RTN4IP1: variants seen among roughly 807,000 people sequenced by gnomAD.
The protein encoded by RTN4IP1 is reticulon 4 interacting protein 1.
Under a neutral mutation model 46.6 loss-of-function variants are expected in RTN4IP1, and 32 were observed. The ratio of observed to expected loss-of-function variants is 0.69; its 90% confidence interval spans 0.52 to 0.92. The LOEUF (loss-of-function observed/expected upper bound fraction) is 0.92. Among genes scored for constraint, RTN4IP1 ranks in the 40% least tolerant of loss-of-function variants. RTN4IP1 has a pLI of 0.00. For synonymous variants in RTN4IP1, 167 were observed against 161.8 expected, an observed-to-expected ratio of 1.03 and a Z score of -0.24; for missense variants, 424 against 485.8, an observed-to-expected ratio of 0.87 and a Z score of 1.20.
At chr6:106,596,590 A>T (rs1351056096) in intron 5 of RTN4IP1, among the ~76,000 whole-genome samples, 1 of 152,126 alleles carries the variant, frequency 6.6e-6, no homozygotes, top group Non-Finnish European at 1.5e-5. Context: ...CTCAAAAATA[A>T]TGACAACTAT....
chr6:106,624,390 C>T (rs1208451662), intron 1 of RTN4IP1, among the ~76,000 whole-genome samples: 1 of 151,684 alleles, frequency 6.6e-6, no homozygotes, highest in Non-Finnish European at 1.5e-5. Flanking sequence ...AAGCCTCACT[C>T]TGTTGCCCAA....
Position 106,628,792 on chromosome 6 carries a change from T to C in RTN4IP1, c.230A>G (p.Lys77Arg), listed in dbSNP as rs770685237. Residue 77 changes from lysine to arginine, a missense_variant, in exon 1 of 9, where the codon AAA becomes AGA. Coordinates refer to ENST00000369063, the MANE Select transcript of RTN4IP1 (RefSeq NM_032730.5). ...IIHYPNEVIVKVHAASVNPID... is the reference protein window; with the variant it reads ...IIHYPNEVIVRVHAASVNPID... ...AGGATTTACACTGGCAGCGTGAACT[T>C]TGACAATGACTTCATTTGGATAGTG... 4 of 1,614,078 alleles carry C rather than the reference T, an allele frequency of 2.5e-6. No individual in the cohort carries two copies. Among genetic ancestry groups the C allele is most frequent in the East Asian group, 4.5e-5 (2 of 44,876 alleles).
rs193082630 is a variant in RTN4IP1, at chr6:106,577,608, T to G, written c.1084-5505A>C. 2.3e-3 allele frequency among the ~76,000 whole-genome samples: 356 copies of G among 152,254 alleles called. 1 individual carries two copies. The Middle Eastern group carries it at 0.024, about 10-fold the overall frequency. ...GCAGAATAATGGCCCCCAAAGATGTTCACATCCTGATTCCCAAAATGTGTG... is the reference window on the plus strand; with the variant it reads ...GCAGAATAATGGCCCCCAAAGATGTGCACATCCTGATTCCCAAAATGTGTG... On this transcript the variant is annotated intron_variant, in intron 8 of 8. Coordinates refer to ENST00000369063, the MANE Select transcript of RTN4IP1 (RefSeq NM_032730.5).
chr6:106,582,294 G>C (rs1775390336), intron 8 of RTN4IP1, among the ~76,000 whole-genome samples: 1 of 152,196 alleles, frequency 6.6e-6, no homozygotes, highest in African/African-American at 2.4e-5. Context: ...ACCTCCAGGG[G>C]CTCTGTCCAA....
rs558800764 is a variant in RTN4IP1, at chr6:106,601,718, C to T, written c.669+1156G>A. On this transcript the variant is annotated intron_variant, in intron 5 of 8. Transcript: ENST00000369063. ...CTCCGCCTTCCAGGTTCAAGCAATT[C>T]TCCTGCCTCAGCCTCCTGAGTAACT... Among the ~76,000 whole-genome samples the T allele has an allele frequency of 2.4e-4, 37 of 152,304 alleles. No individual in the cohort carries two copies. The South Asian group carries it at 7.7e-3, about 32-fold the overall frequency.
At chr6:106,621,182 CA>C (rs35961670) in intron 3 of RTN4IP1, among the ~76,000 whole-genome samples, 29,147 of 152,092 alleles carry the variant, frequency 0.19, 3,212 homozygotes, top group East Asian at 0.29. Flanking sequence ...AGCAACACAG[CA>C]GGGTTCTAGG....
chr6:106,620,904 C>T lies in RTN4IP1; in HGVS notation c.495+521G>A, dbSNP rs114358889. Among the ~76,000 whole-genome samples, 698 of 152,248 alleles carry T rather than the reference C, an allele frequency of 4.6e-3. 9 individuals carry two copies. Among genetic ancestry groups the T allele is most frequent in the African/African-American group, 0.016 (675 of 41,548 alleles). ...TTTGAGATCAGCTGTTTCCTTTACT[C>T]TCATTTTCTGGAAAGGAAATCTTTC... On this transcript the variant is annotated intron_variant, in intron 3 of 8. Transcript: ENST00000369063.
At chr6:106,576,215 T>G (rs980732597) in intron 8 of RTN4IP1, among the ~76,000 whole-genome samples, 2 of 152,130 alleles carry the variant, frequency 1.3e-5, no homozygotes, top group African/African-American at 4.8e-5. Context: ...CTGCCCCAGA[T>G]GGCAAACTCA....
chr6:106,629,513 G>A, upstream of RTN4IP1: 1 of 886,332 alleles, frequency 1.1e-6, no homozygotes. Flanking sequence ...CCAACCAATC[G>A]CCTACAAAGA....
At chr6:106,605,598 G>A (rs921026980) in intron 4 of RTN4IP1, among the ~76,000 whole-genome samples, 4 of 152,034 alleles carry the variant, frequency 2.6e-5, no homozygotes, top group East Asian at 1.9e-4. Context: ...CAGATCACGA[G>A]GTCAGGAGAT....
At chr6:106,607,779 G>A (rs763920865) in intron 4 of RTN4IP1, 4 of 152,038 alleles carry the variant, frequency 2.6e-5, no homozygotes, top group Non-Finnish European at 2.9e-5. Flanking sequence ...TGGTCCCTGA[G>A]CAAGAATGAC....
chr6:106,628,089 A>G (rs1365991151), intron 1 of RTN4IP1, among the ~76,000 whole-genome samples: 1 of 150,898 alleles, frequency 6.6e-6, no homozygotes, highest in Non-Finnish European at 1.5e-5. Flanking sequence ...AAAACCCCAT[A>G]AATTCTAAAC....
intron 7 of RTN4IP1, among the ~76,000 whole-genome samples, chr6:106,587,001 C>T (rs932970041): frequency 6.6e-6 from 1 of 152,094 alleles, no homozygotes; most frequent in African/African-American, 2.4e-5. Flanking sequence ...CCCAGAAACT[C>T]CCATCATGCC....
At chr6:106,574,227 C>G (rs867250074) in intron 8 of RTN4IP1, among the ~76,000 whole-genome samples, 1 of 101,024 alleles carries the variant, frequency 9.9e-6, no homozygotes, top group Non-Finnish European at 2.1e-5. Context: ...GGCGAATCAC[C>G]TGAGGTCAGG....
chr6:106,585,993 G>T (rs554230412), intron 7 of RTN4IP1, among the ~76,000 whole-genome samples: 1 of 152,264 alleles, frequency 6.6e-6, no homozygotes, highest in Admixed American at 6.5e-5. Context: ...AGTACCCTGT[G>T]GACACTGTTT....
intron 8 of RTN4IP1, among the ~76,000 whole-genome samples, chr6:106,578,789 T>C (rs894238423): frequency 6.6e-6 from 1 of 152,152 alleles, no homozygotes; most frequent in African/African-American, 2.4e-5. Flanking sequence ...CCTGACTGGG[T>C]TTCAGTTAAA....
At chr6:106,600,994 T>G (rs776354925) in intron 5 of RTN4IP1, among the ~76,000 whole-genome samples, 5 of 152,154 alleles carry the variant, frequency 3.3e-5, no homozygotes, top group Non-Finnish European at 5.9e-5. Context: ...GTTTAACATT[T>G]TGAGGACCCA....
At chr6:106,619,960 C>T (rs897040421) in intron 3 of RTN4IP1, among the ~76,000 whole-genome samples, 1 of 151,924 alleles carries the variant, frequency 6.6e-6, no homozygotes, top group Non-Finnish European at 1.5e-5. Context: ...TGTAAGGATA[C>T]AGTATATAAT....
chr6:106,612,867 G>C (rs1776262138), intron 4 of RTN4IP1, among the ~76,000 whole-genome samples: 2 of 152,186 alleles, frequency 1.3e-5, no homozygotes, highest in African/African-American at 4.8e-5. Context: ...CAGAGTAGCA[G>C]GGGCCACGTG....
Sources: gnomAD v4.1 joint callset for allele counts (sites outside exome capture counted in the v4.1 genomes callset) on GRCh38, gnomAD v4.1.1 for gene constraint, MANE v1.5 for transcripts, NCBI Gene and HGNC (gene_info 2026-07-23, HGNC 2026-07-21) for gene names.